The following PXDN variants were observed in gnomAD, a reference collection of about 807,000 sequenced individuals.
PXDN encodes peroxidasin homolog.
A neutral mutation model predicts 140.3 loss-of-function variants in PXDN; 77 were observed. That is an observed-to-expected ratio of 0.55 (90% CI 0.46 to 0.66). The LOEUF (loss-of-function observed/expected upper bound fraction) is 0.66. Among genes scored for constraint, PXDN ranks in the 30% least tolerant of loss-of-function variants. The pLI is 0.00. For missense variants in PXDN, 1,838 were observed against 2,039.5 expected, an observed-to-expected ratio of 0.90 and a Z score of 1.90; for synonymous variants, 911 against 857.4, an observed-to-expected ratio of 1.06 and a Z score of -1.09.
chr2:1,689,444 T>C (rs1684137270), intron 3 of PXDN, among the ~76,000 whole-genome samples: 1 of 152,222 alleles, frequency 6.6e-6, no homozygotes, highest in East Asian at 1.9e-4. Context: ...CATGTGTGAA[T>C]GTGTGTTTAT....
At position 1,633,114 on chromosome 2, in the gene PXDN, C is replaced by A. The variant is rs1374780128; in HGVS notation, c.*1090G>T. On this transcript the variant is annotated 3_prime_UTR_variant, in exon 23 of 23. Coordinates refer to ENST00000252804, the MANE Select transcript of PXDN (RefSeq NM_012293.3). The stretch of plus-strand genomic sequence containing the variant: ...ATATCTAATACCTAAAAAATGGACA[C>A]AATTTCATAAAACATCACGCATTTT... 1 of 151,220 alleles carries A rather than the reference C, an allele frequency of 6.6e-6. No individual in the cohort carries two copies. The highest frequency in any genetic ancestry group is 1.5e-5 in the Non-Finnish European group (1 of 67,768). 9.4% of individuals were successfully genotyped at this position (151,220 alleles called of 1,614,324 possible). A position where few individuals can be genotyped will look rare whatever the true frequency, so the allele number is the denominator to read the frequency against.
chr2:1,741,552 C>T (rs1476544105), intron 1 of PXDN, among the ~76,000 whole-genome samples: 2 of 152,094 alleles, frequency 1.3e-5, no homozygotes, highest in Non-Finnish European at 2.9e-5. Context: ...AGCCACAAAT[C>T]AAACAACCCA....
chr2:1,716,945 T>C (rs996547470), intron 1 of PXDN, among the ~76,000 whole-genome samples: 4 of 152,148 alleles, frequency 2.6e-5, no homozygotes, highest in Non-Finnish European at 5.9e-5. Flanking sequence ...AAGGCGTCAC[T>C]AGCCTTGCCC....
chr2:1,713,439 G>A (rs775977805), intron 1 of PXDN, among the ~76,000 whole-genome samples: 1 of 152,174 alleles, frequency 6.6e-6, no homozygotes, highest in Non-Finnish European at 1.5e-5. Context: ...CCTGCCTCCA[G>A]TCCAAAGCAA....
chr2:1,699,570 C>T (rs774393262), intron 1 of PXDN, among the ~76,000 whole-genome samples: 4 of 152,006 alleles, frequency 2.6e-5, no homozygotes, highest in East Asian at 3.9e-4. Context: ...ATTAGCTGGG[C>T]GTGGTGGTGG....
In PXDN at chr2:1,662,117, C is replaced by T. The variant is rs757241567; in HGVS notation, c.1635G>A (p.Pro545=). The T allele has an allele frequency of 5.6e-6, 9 of 1,598,158 alleles. No individual in the cohort carries two copies. The highest frequency in any genetic ancestry group is 6.8e-6 in the Non-Finnish European group (8 of 1,172,936). ...GCTCGGGCTCGCCCTGGGAGCTGCA[C>T]GGGAGCTGCACATTGGCGCCCACCT... ...TVEVGANVQL[P]CSSQGEPEPA... Residue 545 remains proline, a synonymous_variant, in exon 13 of 23, where the codon CCG becomes CCA. Coordinates refer to ENST00000252804, the MANE Select transcript of PXDN (RefSeq NM_012293.3).
At chr2:1,718,891 G>A in intron 1 of PXDN, among the ~76,000 whole-genome samples, 1 of 152,262 alleles carries the variant, frequency 6.6e-6, no homozygotes, top group Non-Finnish European at 1.5e-5. Flanking sequence ...CCTGCCACCA[G>A]CAACTTGCCA....
chr2:1,677,736 G>A (rs1683760003), intron 7 of PXDN, among the ~76,000 whole-genome samples: 1 of 152,176 alleles, frequency 6.6e-6, no homozygotes, highest in Non-Finnish European at 1.5e-5. Flanking sequence ...CTTCTCTAAG[G>A]CTCCCCTCAG....
At position 1,685,958 on chromosome 2, in the gene PXDN, G is replaced by A. The variant is rs1485302317; in HGVS notation, c.416+1674C>T. On this transcript the variant is annotated intron_variant, in intron 4 of 22. Transcript: ENST00000252804. This position sits in a 1 kb window ranked among gnomAD's most constrained non-coding sequence, Gnocchi z 5.1. ...TGACCTGTGTCCACAGCTTCCCAAAGAGCCTTCTTTCTGGATCAGGGACAC... is the reference window on the plus strand; with the variant it reads ...TGACCTGTGTCCACAGCTTCCCAAAAAGCCTTCTTTCTGGATCAGGGACAC... Among the ~76,000 whole-genome samples the A allele has an allele frequency of 6.6e-6, 1 of 152,160 alleles. No individual in the cohort carries two copies. Among genetic ancestry groups the A allele is most frequent in the Admixed American group, 6.5e-5 (1 of 15,284 alleles).
chr2:1,680,109 G>GT, intron 7 of PXDN, 84 bp downstream of exon 7: 2 of 1,427,528 alleles, frequency 1.4e-6, no homozygotes, highest in Non-Finnish European at 1.9e-6. Flanking sequence ...TGTGGATGTT[G>GT]TGTGTGTAGA....
chr2:1,652,396 A>G (rs1683034168), intron 16 of PXDN, among the ~76,000 whole-genome samples: 1 of 152,134 alleles, frequency 6.6e-6, no homozygotes, highest in Non-Finnish European at 1.5e-5. Flanking sequence ...GCTGGGACCC[A>G]TGCCTGGTAC....
intron 17 of PXDN, among the ~76,000 whole-genome samples, chr2:1,645,058 C>G (rs139128466): frequency 6.6e-6 from 1 of 152,074 alleles, no homozygotes; most frequent in South Asian, 2.1e-4. Flanking sequence ...TCAGGGATAA[C>G]CACACGTAAC....
chr2:1,652,444 A>G (rs1683034940), intron 16 of PXDN, among the ~76,000 whole-genome samples: 1 of 152,100 alleles, frequency 6.6e-6, no homozygotes, highest in Non-Finnish European at 1.5e-5. Flanking sequence ...GACAAGCAGA[A>G]AGTGCCCAAT....
Position 1,693,985 on chromosome 2 carries a change from G to T in PXDN, c.201-851C>A, listed in dbSNP as rs183804925. On this transcript the variant is annotated intron_variant, in intron 1 of 22. Coordinates refer to ENST00000252804, the MANE Select transcript of PXDN (RefSeq NM_012293.3). ...GGAAGTGCAGACATGCAGAGGCGTC[G>T]GCTCTACCCTTGCAGACAGCCCATC... 7.9e-5 allele frequency among the ~76,000 whole-genome samples: 12 copies of T among 152,320 alleles called. No individual in the cohort carries two copies. The East Asian group carries it at 1.5e-3, about 20-fold the overall frequency.
intron 1 of PXDN, among the ~76,000 whole-genome samples, chr2:1,713,331 T>C (rs1684825439): frequency 2.0e-5 from 3 of 152,208 alleles, no homozygotes; most frequent in Non-Finnish European, 4.4e-5. Flanking sequence ...AGTTTTGTGC[T>C]GTGGTAACTC....
chr2:1,743,194 T>C (rs1245706940), intron 1 of PXDN, among the ~76,000 whole-genome samples: 1 of 152,026 alleles, frequency 6.6e-6, no homozygotes, highest in African/African-American at 2.4e-5. Context: ...GGGATGGGGA[T>C]TCCTGCTGTG....
chr2:1,701,730 G>A (rs542765527), intron 1 of PXDN, among the ~76,000 whole-genome samples: 45 of 152,312 alleles, frequency 3.0e-4, no homozygotes, highest in African/African-American at 1.0e-3. Flanking sequence ...CGTCAAATTT[G>A]TGCTAAGACC....
intron 1 of PXDN, among the ~76,000 whole-genome samples, chr2:1,709,938 C>G (rs1193803381): frequency 6.6e-6 from 1 of 152,156 alleles, no homozygotes; most frequent in Non-Finnish European, 1.5e-5. Flanking sequence ...GAAAATAAAT[C>G]TGTGATTCAA....
Position 1,672,474 on chromosome 2 carries a change from A to G in PXDN, c.1018+1169T>C, listed in dbSNP as rs115460218. 7.5e-3 allele frequency among the ~76,000 whole-genome samples: 1,148 copies of G among 152,318 alleles called. 18 individuals are homozygous for G. Among genetic ancestry groups the G allele is most frequent in the African/African-American group, 0.026 (1,079 of 41,576 alleles). The stretch of plus-strand genomic sequence containing the variant: ...TTTTAATTCCTTAAAAATACAGCCC[A>G]TGCTCCTTCTATGAGCAGCGGCTGT... On this transcript the variant is annotated intron_variant, in intron 9 of 22. Transcript: ENST00000252804.
Sources: allele counts gnomAD v4.1 joint callset (sites outside exome capture counted in the v4.1 genomes callset), GRCh38; gene constraint gnomAD v4.1.1; non-coding constraint Gnocchi (gnomAD v3.1); transcripts MANE v1.5; gene names NCBI Gene and HGNC (gene_info 2026-07-23, HGNC 2026-07-21).